Variants in WWP2 observed in about 807,000 individuals in gnomAD.
WWP2 encodes NEDD4-like E3 ubiquitin-protein ligase WWP2.
Under a neutral mutation model 121.0 loss-of-function variants are expected in WWP2, and 57 were observed. That is an observed-to-expected ratio of 0.47 (90% CI 0.38 to 0.59). The LOEUF (loss-of-function observed/expected upper bound fraction) is 0.59, where lower values mean the gene tolerates loss of function less well. WWP2 is among the 20% of genes least tolerant of loss of function. The pLI is 0.00. For missense variants in WWP2, 962 were observed against 1,158.9 expected (o/e 0.83, Z 2.47); for synonymous variants, 449 against 441.3 (o/e 1.02, Z -0.22).
At chr16:69,928,873 A>G (rs947994223) in intron 11 of WWP2, among the ~76,000 whole-genome samples, 2 of 152,236 alleles carry the variant, frequency 1.3e-5, no homozygotes, top group Admixed American at 6.5e-5. Flanking sequence ...GTTTTAGAAC[A>G]AGACTTAGCC....
At chr16:69,800,544 A>G (rs1010480017) in intron 4 of WWP2, among the ~76,000 whole-genome samples, 5 of 149,852 alleles carry the variant, frequency 3.3e-5, no homozygotes, top group African/African-American at 1.2e-4. Flanking sequence ...TAAGCACAGC[A>G]CCTAGTAATA....
Position 69,929,508 on chromosome 16 carries a change from G to A in WWP2, c.1295G>A (p.Trp432Ter). Residue 432 changes from tryptophan (W) to a stop codon, truncating the protein, a stop_gained, in exon 12 of 24, where the codon TGG (tryptophan) becomes TAG (stop). Transcript: ENST00000359154. LOFTEE classifies it high-confidence loss of function. ...YVNHNTRTTQ[W>*]EDPRTQGMIQ... ...AACCATAACACTCGCACGACCCAGT[G>A]GGAGGATCCCCGGACCCAGGGGTAA... The A allele has an allele frequency of 6.2e-7, 1 of 1,614,172 alleles. No homozygotes were observed. Among genetic ancestry groups the A allele is most frequent in the Non-Finnish European group, 8.5e-7 (1 of 1,180,016 alleles).
intron 4 of WWP2, among the ~76,000 whole-genome samples, chr16:69,809,416 G>C (rs2056345415): frequency 6.6e-6 from 1 of 152,054 alleles, no homozygotes; most frequent in African/African-American, 2.4e-5. Context: ...CTTGCCTAAA[G>C]GGAAGGCAGT....
intron 1 of WWP2, among the ~76,000 whole-genome samples, chr16:69,783,468 C>T (rs1011880449): frequency 2.0e-5 from 3 of 151,774 alleles, no homozygotes; most frequent in Non-Finnish European, 2.9e-5. Flanking sequence ...TGCAGAAGTT[C>T]GAGGCTGCCG....
intron 4 of WWP2, 152 bp from the exon 5 acceptor site, chr16:69,839,974 C>A: frequency 9.2e-7 from 1 of 1,090,366 alleles, no homozygotes; most frequent in East Asian, 2.5e-5. Context: ...CCTTCCCACT[C>A]TTTTTTCCAT....
At chr16:69,774,159 A>G (rs2151771826) in intron 1 of WWP2, among the ~76,000 whole-genome samples, 1 of 152,166 alleles carries the variant, frequency 6.6e-6, no homozygotes, top group South Asian at 2.1e-4. Flanking sequence ...CTACACATTC[A>G]ATTACATCTG....
At chr16:69,910,741 G>T (rs904513920) in intron 9 of WWP2, among the ~76,000 whole-genome samples, 1 of 152,104 alleles carries the variant, frequency 6.6e-6, no homozygotes, top group Non-Finnish European at 1.5e-5. Flanking sequence ...CTCTTGTCTA[G>T]GAGGGACGTA....
intron 13 of WWP2, 34 bp from the exon 14 acceptor site, chr16:69,931,118 C>G: frequency 6.2e-7 from 1 of 1,602,580 alleles, no homozygotes; most frequent in Non-Finnish European, 8.5e-7. Context: ...TCTGAGAAAT[C>G]GCATGAACCC....
intron 23 of WWP2, 129 bp from the exon 24 acceptor site, chr16:69,939,712 C>T (rs1030811500): frequency 1.3e-6 from 1 of 762,984 alleles, no homozygotes; most frequent in African/African-American, 3.9e-5. Context: ...ATGTGAAGGC[C>T]TGACTGGCAG....
chr16:69,778,162 T>C, intron 1 of WWP2, among the ~76,000 whole-genome samples: 1 of 138,474 alleles, frequency 7.2e-6, no homozygotes, highest in African/African-American at 2.7e-5. Flanking sequence ...TACACACTCA[T>C]ACTATAAATA....
chr16:69,871,998 A>G (rs2057649016), intron 7 of WWP2, 67 bp downstream of exon 7: 4 of 1,545,536 alleles, frequency 2.6e-6, no homozygotes, highest in Non-Finnish European at 3.5e-6. Context: ...TAACGTGGAC[A>G]CGGGATCCTG....
rs780169440 is a variant in WWP2 at position 69,939,370 on chromosome 16, G to A, written c.2470G>A (p.Asp824Asn). 3 of 1,614,170 alleles carry A rather than the reference G, an allele frequency of 1.9e-6. No homozygotes were observed. The highest frequency in any genetic ancestry group is 4.5e-5 in the East Asian group (2 of 44,884). ...CAACGGACCACAGAAGTTTTGCATTGACAAAGTTGGCAAGGAAACCTGGCT... is the reference window on the plus strand; with the variant it reads ...CAACGGACCACAGAAGTTTTGCATTAACAAAGTTGGCAAGGAAACCTGGCT... ...GSNGPQKFCI[D>N]KVGKETWLPR... is the part of the protein sequence containing the mutation. Residue 824 changes from aspartate (D) to asparagine (N), a missense_variant, in exon 23 of 24, where the codon GAC becomes AAC. By Grantham distance (23) the Asp-to-Asn change is conservative. This residue lies in a region of WWP2 where 606 missense variants were observed against 772.6 expected (regional missense o/e 0.78). Transcript: ENST00000359154.
intron 1 of WWP2, among the ~76,000 whole-genome samples, chr16:69,773,525 A>G (rs2055462600): frequency 6.6e-6 from 1 of 150,584 alleles, no homozygotes; most frequent in South Asian, 2.1e-4. Context: ...TCTGTTGCTC[A>G]GGCTGGAGTG....
At position 69,908,800 on chromosome 16, in the gene WWP2, T is replaced by C; in HGVS notation, c.954T>C (p.Tyr318=). 1.2e-6 allele frequency: 2 copies of C among 1,614,232 alleles called. No individual in the cohort carries two copies. The highest frequency in any genetic ancestry group is 1.3e-5 in the African/African-American group (1 of 75,066). Residue 318 remains tyrosine (Y), a synonymous_variant, in exon 9 of 24, where the codon TAT becomes TAC. Transcript: ENST00000359154. The part of the protein sequence containing the change: ...QRELPNGRVY[Y]VDHNTKTTTW... ...AGCTGCCCAACGGACGTGTCTATTA[T>C]GTTGACCACAATACCAAGACCACCA...
intron 8 of WWP2, among the ~76,000 whole-genome samples, chr16:69,901,801 G>T (rs1002487430): frequency 1.8e-4 from 27 of 152,042 alleles, no homozygotes; most frequent in African/African-American, 6.5e-4. Context: ...AAGAATTGCT[G>T]TTAGCCAGGC....
At chr16:69,810,310 C>T (rs1000018878) in intron 4 of WWP2, among the ~76,000 whole-genome samples, 10 of 152,188 alleles carry the variant, frequency 6.6e-5, no homozygotes, top group African/African-American at 2.2e-4. Flanking sequence ...GGACATTCGC[C>T]CTGGCCATGG....
intron 2 of WWP2, 122 bp downstream of exon 2, chr16:69,787,202 C>A: frequency 1.6e-6 from 1 of 614,098 alleles, no homozygotes; most frequent in Non-Finnish European, 2.7e-6. Flanking sequence ...ATTATTTATT[C>A]TCATGGGATT....
chr16:69,858,355 C>T (rs1567384835), intron 6 of WWP2, among the ~76,000 whole-genome samples: 1 of 152,044 alleles, frequency 6.6e-6, no homozygotes, highest in African/African-American at 2.4e-5. Flanking sequence ...CCTCACTGCA[C>T]GTAGTAGCAG....
chr16:69,902,867 G>A (rs996375819), intron 8 of WWP2, among the ~76,000 whole-genome samples: 9 of 152,130 alleles, frequency 5.9e-5, no homozygotes, highest in African/African-American at 2.2e-4. Flanking sequence ...CGACTGTGCT[G>A]CCTGAATGAA....
Sources: allele counts gnomAD v4.1 joint callset (sites outside exome capture counted in the v4.1 genomes callset), GRCh38; gene constraint gnomAD v4.1.1; regional missense constraint gnomAD v4.1.1; transcripts MANE v1.5; gene names NCBI Gene and HGNC (gene_info 2026-07-23, HGNC 2026-07-21).